Variants in LUZP2 observed in about 807,000 individuals in gnomAD.
LUZP2 encodes leucine zipper protein 2.
LUZP2 carries 52 observed loss-of-function variants against 51.6 expected under a neutral mutation model. The observed-to-expected ratio is 1.01, with a 90% CI of 0.81 to 1.27. The LOEUF is 1.27. LUZP2 is among the 50% of genes most tolerant of loss of function. The pLI is 0.00. For synonymous variants in LUZP2, 154 were observed against 137.3 expected (o/e 1.12, Z -0.85); for missense variants, 436 against 395.4 (o/e 1.10, Z -0.87).
intron 4 of LUZP2, among the ~76,000 whole-genome samples, chr11:24,744,326 G>A (rs1425174733): frequency 1.3e-5 from 2 of 152,108 alleles, no homozygotes; most frequent in Non-Finnish European, 2.9e-5. Context: ...ATTCTGCTGT[G>A]AATCCATCTG....
intron 1 of LUZP2, among the ~76,000 whole-genome samples, chr11:24,678,075 AGG>A (rs71041788): frequency 0.06 from 4,200 of 69,744 alleles, 158 homozygotes; most frequent in African/African-American, 0.13. Flanking sequence ...GAAAGGAGAA[AGG>A]GGGGGGGGGG....
At chr11:24,681,218 T>C (rs1048411283) in intron 1 of LUZP2, among the ~76,000 whole-genome samples, 1 of 151,854 alleles carries the variant, frequency 6.6e-6, no homozygotes, top group East Asian at 1.9e-4. Flanking sequence ...CCTGACCTCA[T>C]GATCCACCCG....
At position 24,769,705 on chromosome 11, in the gene LUZP2, T is replaced by TG. The variant is rs202050902; in HGVS notation, c.396+6397_396+6398insG. 6.8e-3 allele frequency among the ~76,000 whole-genome samples: 756 copies of TG among 111,870 alleles called. 2 individuals carry two copies. Among genetic ancestry groups the TG allele is most frequent in the South Asian group, 0.013 (42 of 3,208 alleles). 73.4% of individuals were successfully genotyped at this position (111,870 alleles called of 152,430 possible). A position where few individuals can be genotyped will look rare whatever the true frequency, so the allele number is the denominator to read the frequency against. ...TCTATGGTGGTCTATTTTTTTTTTT[T>TG]TGGGATTATAATTGATTTGTTTCCT... On this transcript the variant is annotated intron_variant, in intron 5 of 11. Coordinates refer to ENST00000336930, the MANE Select transcript of LUZP2 (RefSeq NM_001009909.4).
intron 9 of LUZP2, among the ~76,000 whole-genome samples, chr11:25,043,283 A>G (rs1858133384): frequency 6.6e-6 from 1 of 152,184 alleles, no homozygotes; most frequent in Non-Finnish European, 1.5e-5. Context: ...AAAGTAGAAC[A>G]TTGACATATC....
chr11:24,637,940 C>T (rs1211964407), intron 1 of LUZP2, among the ~76,000 whole-genome samples: 1 of 151,804 alleles, frequency 6.6e-6, no homozygotes, highest in Non-Finnish European at 1.5e-5. Context: ...CTAATAAAAA[C>T]TTACTGGTTT....
Position 24,574,903 on chromosome 11 carries a change from G to A in LUZP2, c.62+77598G>A, listed in dbSNP as rs997865760. ...AGAAATAATTTAAAATTGCAAGTTT[G>A]TAAAGTAATCCTCTTAAGGGGAGAT... On this transcript the variant is annotated intron_variant, in intron 1 of 11. Coordinates refer to ENST00000336930, the MANE Select transcript of LUZP2 (RefSeq NM_001009909.4). 2.0e-5 allele frequency among the ~76,000 whole-genome samples: 3 copies of A among 152,078 alleles called. No homozygotes were observed. The South Asian group carries it at 6.2e-4, about 31-fold the overall frequency.
At chr11:24,884,098 T>G (rs1208769830) in intron 5 of LUZP2, among the ~76,000 whole-genome samples, 1 of 151,982 alleles carries the variant, frequency 6.6e-6, no homozygotes, top group East Asian at 1.9e-4. Context: ...TAACTGATCT[T>G]TCCTAATGAT....
intron 5 of LUZP2, among the ~76,000 whole-genome samples, chr11:24,850,198 C>A (rs1383151333): frequency 6.6e-6 from 1 of 152,140 alleles, no homozygotes; most frequent in South Asian, 2.1e-4. Context: ...AGTCATTGCC[C>A]ATGCCTATGT....
chr11:24,736,937 A>G (rs1023603363), intron 3 of LUZP2, among the ~76,000 whole-genome samples: 1 of 152,138 alleles, frequency 6.6e-6, no homozygotes, highest in Admixed American at 6.6e-5. Flanking sequence ...TGATTTGTCA[A>G]CCAAAGTCCA....
chr11:24,816,009 A>T (rs200925847), intron 5 of LUZP2, among the ~76,000 whole-genome samples: 13 of 912 alleles, frequency 0.014, no homozygotes, highest in South Asian at 0.25. Flanking sequence ...TTTTTTTTAA[A>T]AAAAAAAAAA....
chr11:25,000,655 A>G (rs1856658227), intron 9 of LUZP2, among the ~76,000 whole-genome samples: 1 of 152,182 alleles, frequency 6.6e-6, no homozygotes, highest in Non-Finnish European at 1.5e-5. Context: ...TTGGTATAAG[A>G]GTTTGAAAGG....
intron 9 of LUZP2, among the ~76,000 whole-genome samples, chr11:25,040,342 G>GTTTTTTTTTTTT (rs1491549909): frequency 2.8e-3 from 94 of 33,926 alleles, no homozygotes; most frequent in Middle Eastern, 0.025. Flanking sequence ...CTTTCTTTCC[G>GTTTTTTTTTTTT]ATTTTTTTTT....
intron 1 of LUZP2, among the ~76,000 whole-genome samples, chr11:24,531,565 A>C (rs1047981512): frequency 6.6e-5 from 10 of 150,802 alleles, no homozygotes; most frequent in Non-Finnish European, 1.3e-4. Context: ...CTATTAGCCC[A>C]CCTCTGGCTA....
intron 1 of LUZP2, among the ~76,000 whole-genome samples, chr11:24,498,127 C>A (rs1849885594): frequency 6.6e-6 from 1 of 152,148 alleles, no homozygotes; most frequent in Non-Finnish European, 1.5e-5. Context: ...TCCACAAGCG[C>A]AGCACAAAGG....
At chr11:24,741,946 C>A (rs11028132) in intron 4 of LUZP2, among the ~76,000 whole-genome samples, 9 of 94,182 alleles carry the variant, frequency 9.6e-5, no homozygotes, top group South Asian at 2.9e-4. Flanking sequence ...TAAATATATA[C>A]ATTTATATAT....
At chr11:24,522,938 T>C (rs540742583) in intron 1 of LUZP2, among the ~76,000 whole-genome samples, 5 of 152,204 alleles carry the variant, frequency 3.3e-5, no homozygotes, top group Non-Finnish European at 5.9e-5. Flanking sequence ...ACCCCAAACT[T>C]CTGTGCCTTA....
chr11:24,813,213 A>G (rs1850072504), intron 5 of LUZP2, among the ~76,000 whole-genome samples: 1 of 152,244 alleles, frequency 6.6e-6, no homozygotes, highest in African/African-American at 2.4e-5. Context: ...CAGTATGCAC[A>G]GAATACAAAT....
At chr11:25,072,905 C>A (rs1281818490) in intron 10 of LUZP2, among the ~76,000 whole-genome samples, 2 of 151,988 alleles carry the variant, frequency 1.3e-5, no homozygotes, top group East Asian at 1.9e-4. Context: ...TGAATATAGA[C>A]AATTTGTTGC....
rs185605873 is a variant in LUZP2, at chr11:25,017,437, T to C, written c.766-32601T>C. Among the ~76,000 whole-genome samples the C allele has an allele frequency of 2.3e-3, 344 of 152,316 alleles. 1 individual carries two copies. Among genetic ancestry groups the C allele is most frequent in the African/African-American group, 7.9e-3 (330 of 41,572 alleles). ...AATTTATCTTGAGTTGAACTTTGTA[T>C]TTGGTGAGAGATAGGGAGCCAGTTT... On this transcript the variant is annotated intron_variant, in intron 9 of 11. Coordinates refer to ENST00000336930, the MANE Select transcript of LUZP2 (RefSeq NM_001009909.4).
Sources: gnomAD v4.1 joint callset for allele counts (sites outside exome capture counted in the v4.1 genomes callset) on GRCh38, gnomAD v4.1.1 for gene constraint, MANE v1.5 for transcripts, NCBI Gene and HGNC (gene_info 2026-07-23, HGNC 2026-07-21) for gene names.